PRKAG2: variants seen among roughly 807,000 people sequenced by gnomAD.
PRKAG2 encodes the protein 5'-AMP-activated protein kinase subunit gamma-2.
Under a neutral mutation model 69.6 loss-of-function variants are expected in PRKAG2, and 26 were observed. The observed-to-expected ratio is 0.37, with a 90% CI of 0.27 to 0.52. PRKAG2 has a LOEUF of 0.52. Ranked by LOEUF, PRKAG2 falls within the 20% of genes least tolerant of loss-of-function variation. The pLI is 0.90. For missense variants in PRKAG2, 557 were observed against 740.0 expected (o/e 0.75, Z 2.87); for synonymous variants, 293 against 285.0 (o/e 1.03, Z -0.28).
chr7:151,684,416 C>T (rs985852682), intron 3 of PRKAG2, among the ~76,000 whole-genome samples: 7 of 152,314 alleles, frequency 4.6e-5, no homozygotes, highest in Non-Finnish European at 5.9e-5. Flanking sequence ...AGTCACCACT[C>T]GCCAGCTATG....
At position 151,807,603 on chromosome 7, in the gene PRKAG2, C is replaced by T. The variant is rs1002813984; in HGVS notation, c.115-21062G>A. On this transcript the variant is annotated intron_variant, in intron 1 of 15. Coordinates refer to ENST00000287878, the MANE Select transcript of PRKAG2 (RefSeq NM_016203.4). This position sits in a 1 kb window ranked among gnomAD's most constrained non-coding sequence, Gnocchi z 4.4. ...TGCCACGGAGGTAGGAAGAATGATT[C>T]GTTTGCCACCAAAAGCCCAGTTTCT... is the stretch of plus-strand genomic sequence containing the variant. 22 of 457,688 alleles carry T rather than the reference C, an allele frequency of 4.8e-5. No individual in the cohort carries two copies. Among genetic ancestry groups the T allele is most frequent in the Non-Finnish European group, 7.9e-5 (18 of 226,980 alleles). The allele number at this position is 457,688 out of a possible 1,614,324, so 28.4% of individuals were successfully genotyped here.
intron 10 of PRKAG2, 91 bp downstream of exon 10, chr7:151,570,080 G>A (rs1807192224): frequency 6.9e-7 from 1 of 1,449,910 alleles, no homozygotes; most frequent in African/African-American, 1.4e-5. Flanking sequence ...TTGGAATGAA[G>A]AACATGTTTA....
At chr7:151,564,659 G>C (rs921694290) in intron 13 of PRKAG2, among the ~76,000 whole-genome samples, 1 of 152,134 alleles carries the variant, frequency 6.6e-6, no homozygotes, top group Non-Finnish European at 1.5e-5. Flanking sequence ...GGTTTCTGCT[G>C]GGAAGGCTTT....
Position 151,839,337 on chromosome 7 carries a change from C to T in PRKAG2, c.114+37170G>A, listed in dbSNP as rs73728413. Among the ~76,000 whole-genome samples the T allele has an allele frequency of 7.7e-3, 1,166 of 152,300 alleles. 17 individuals are homozygous for T. Among genetic ancestry groups the T allele is most frequent in the African/African-American group, 0.027 (1,115 of 41,578 alleles). ...AGGCAGCGTGGCCGGGCACCGCGGTCGGAACTCTCGTGCTGGTTTGCAGCT... is the reference window on the plus strand; with the variant it reads ...AGGCAGCGTGGCCGGGCACCGCGGTTGGAACTCTCGTGCTGGTTTGCAGCT... On this transcript the variant is annotated intron_variant, in intron 1 of 15. Transcript: ENST00000287878.
At chr7:151,758,453 T>C (rs1217882473) in intron 3 of PRKAG2, among the ~76,000 whole-genome samples, 1 of 152,258 alleles carries the variant, frequency 6.6e-6, no homozygotes. Flanking sequence ...CTTTAAGTTC[T>C]ATAATGTCTA....
chr7:151,683,606 C>T (rs1834214767), intron 3 of PRKAG2, among the ~76,000 whole-genome samples: 1 of 152,188 alleles, frequency 6.6e-6, no homozygotes, highest in South Asian at 2.1e-4. Flanking sequence ...TGGAGGGAGG[C>T]TTTGCTTATA....
intron 4 of PRKAG2, among the ~76,000 whole-genome samples, chr7:151,635,899 G>C (rs1436956361): frequency 1.4e-5 from 2 of 145,146 alleles, no homozygotes; most frequent in South Asian, 4.3e-4. Context: ...ACGGAGTCTC[G>C]CTTTGTCCCC....
intron 11 of PRKAG2, chr7:151,566,733 T>C (rs1194022127): frequency 5.9e-6 from 2 of 340,322 alleles, no homozygotes; most frequent in Non-Finnish European, 1.1e-5. Context: ...AAGAAAGCCC[T>C]ATTAGGTCAT....
At chr7:151,822,967 C>A (rs2078824539) in intron 1 of PRKAG2, among the ~76,000 whole-genome samples, 3 of 152,224 alleles carry the variant, frequency 2.0e-5, no homozygotes, top group Admixed American at 2.0e-4. Context: ...CCAAGCCCGG[C>A]TCTATCACTT....
At chr7:151,591,237 A>T (rs1308473967) in intron 6 of PRKAG2, among the ~76,000 whole-genome samples, 2 of 152,226 alleles carry the variant, frequency 1.3e-5, no homozygotes, top group Non-Finnish European at 1.5e-5. Context: ...ATACCAATCT[A>T]CAAGGACCCC....
At chr7:151,702,137 A>C (rs957061429) in intron 3 of PRKAG2, among the ~76,000 whole-genome samples, 2 of 152,256 alleles carry the variant, frequency 1.3e-5, no homozygotes, top group African/African-American at 4.8e-5. Context: ...GCATGGATAC[A>C]GAACACTTCC....
intron 4 of PRKAG2, among the ~76,000 whole-genome samples, chr7:151,653,237 TATC>T (rs1197657602): frequency 6.6e-6 from 1 of 152,102 alleles, no homozygotes; most frequent in African/African-American, 2.4e-5. Context: ...GTGAAAAAAT[TATC>T]ATTAAATTTG....
chr7:151,624,892 A>G (rs1490154215), intron 5 of PRKAG2, among the ~76,000 whole-genome samples: 2 of 152,214 alleles, frequency 1.3e-5, no homozygotes, highest in African/African-American at 4.8e-5. Flanking sequence ...ATGTCTTTGT[A>G]AGAAATAACA....
chr7:151,786,515 G>T lies in PRKAG2; in HGVS notation c.141C>A (p.Leu47=). Residue 47 remains leucine (L), a synonymous_variant, in exon 2 of 16, where the codon CTC becomes CTA. Transcript: ENST00000287878. ...CGGAACCCTCCAGGTCTCCGTCCAG[G>T]AGCGGCATGGCGAAGGAGCTCAGGT... ...IPDLSSFAMP[L]LDGDLEGSGK... is the part of the protein sequence containing the mutation. The T allele has an allele frequency of 6.2e-7, 1 of 1,613,128 alleles. No homozygotes were observed. Among genetic ancestry groups the T allele is most frequent in the African/African-American group, 1.3e-5 (1 of 75,056 alleles).
intron 1 of PRKAG2, among the ~76,000 whole-genome samples, chr7:151,862,401 C>T (rs1586741417): frequency 6.6e-6 from 1 of 152,168 alleles, no homozygotes; most frequent in African/African-American, 2.4e-5. Flanking sequence ...GTGGCTCCCA[C>T]AAGATTTGTA....
chr7:151,865,287 T>C (rs977685903), intron 1 of PRKAG2, among the ~76,000 whole-genome samples: 7 of 152,222 alleles, frequency 4.6e-5, no homozygotes, highest in South Asian at 2.1e-4. Flanking sequence ...GACTGGGCGA[T>C]GGGCAGACAT....
chr7:151,605,263 T>C (rs1817233691), intron 5 of PRKAG2, among the ~76,000 whole-genome samples: 1 of 151,714 alleles, frequency 6.6e-6, no homozygotes. Flanking sequence ...GTGATCTGCC[T>C]GCCTGAGCCT....
chr7:151,605,268 G>A (rs929281467), intron 5 of PRKAG2, among the ~76,000 whole-genome samples: 3 of 151,580 alleles, frequency 2.0e-5, no homozygotes, highest in Non-Finnish European at 4.4e-5. Flanking sequence ...CTGCCTGCCT[G>A]AGCCTCCCAA....
chr7:151,696,765 A>C (rs1836749459), intron 3 of PRKAG2, among the ~76,000 whole-genome samples: 1 of 152,124 alleles, frequency 6.6e-6, no homozygotes, highest in Non-Finnish European at 1.5e-5. Flanking sequence ...AAAAACGATC[A>C]CACCAGGGAG....
Sources: allele counts gnomAD v4.1 joint callset (sites outside exome capture counted in the v4.1 genomes callset), GRCh38; gene constraint gnomAD v4.1.1; non-coding constraint Gnocchi (gnomAD v3.1); transcripts MANE v1.5; gene names NCBI Gene and HGNC (gene_info 2026-07-23, HGNC 2026-07-21).